ASPH: variants seen among roughly 807,000 people sequenced by gnomAD.
The protein encoded by ASPH is aspartyl/asparaginyl beta-hydroxylase.
Under a neutral mutation model 118.4 loss-of-function variants are expected in ASPH, and 100 were observed. That is an observed-to-expected ratio of 0.84 (90% CI 0.72 to 1.00). ASPH has a LOEUF of 1.00. ASPH is among the 50% of genes least tolerant of loss of function. The probability of loss-of-function intolerance (pLI) is 0.00; values close to 1 mark genes in which losing one functional copy is unlikely to be tolerated. For synonymous variants in ASPH, 315 were observed against 325.6 expected (o/e 0.97, Z 0.35); for missense variants, 920 against 919.5 (o/e 1.00, Z -0.01).
intron 21 of ASPH, among the ~76,000 whole-genome samples, chr8:61,535,284 A>T (rs1195293011): frequency 1.3e-5 from 2 of 152,262 alleles, no homozygotes; most frequent in Admixed American, 6.5e-5. Context: ...ATGGAAGGGG[A>T]TCAAGAATAT....
Position 61,603,488 on chromosome 8 carries a change from T to C in ASPH, c.976+15490A>G, listed in dbSNP as rs116700370. Among the ~76,000 whole-genome samples the C allele has an allele frequency of 2.6e-3, 398 of 152,256 alleles. 3 individuals are homozygous for C. The highest frequency in any genetic ancestry group is 9.0e-3 in the African/African-American group (372 of 41,544). On this transcript the variant is annotated intron_variant, in intron 14 of 24. Coordinates refer to ENST00000379454, the MANE Select transcript of ASPH (RefSeq NM_004318.4). ...AAAGGGCCAAAATCATTTTAGGACATCCATAACTACTGCTACATAGAAAAA... is the reference window on the plus strand; with the variant it reads ...AAAGGGCCAAAATCATTTTAGGACACCCATAACTACTGCTACATAGAAAAA...
At chr8:61,667,528 A>T (rs1459004937) in intron 3 of ASPH, among the ~76,000 whole-genome samples, 1 of 152,090 alleles carries the variant, frequency 6.6e-6, no homozygotes, top group Non-Finnish European at 1.5e-5. Flanking sequence ...CACCAAGTCC[A>T]GCCAATTTTT....
intron 14 of ASPH, among the ~76,000 whole-genome samples, chr8:61,615,436 A>G (rs1292025983): frequency 1.3e-5 from 2 of 152,158 alleles, no homozygotes. Context: ...TTTTAAAACT[A>G]CATATCCAGC....
At chr8:61,640,950 GTT>G (rs1804832579) in intron 10 of ASPH, among the ~76,000 whole-genome samples, 1 of 152,266 alleles carries the variant, frequency 6.6e-6, no homozygotes, top group Admixed American at 6.5e-5. Flanking sequence ...TTGAAATGTG[GTT>G]TTGTTTTCAC....
chr8:61,562,872 T>C lies in ASPH; in HGVS notation c.1309A>G (p.Arg437Gly), dbSNP rs148640329. 7.5e-6 allele frequency: 12 copies of C among 1,596,118 alleles called. No individual in the cohort carries two copies. The highest frequency in any genetic ancestry group is 9.4e-6 in the Non-Finnish European group (11 of 1,174,084). Reference protein sequence around the residue: ...SDRQQFLGHMRGSLLTLQRLV... With the variant: ...SDRQQFLGHMGGSLLTLQRLV... ...CTCTGCAGGGTAAGCAGGGAACCTC[T>C]CATATGACCTGAGTAGGTGGGAATT... is the stretch of plus-strand genomic sequence containing the variant. Residue 437 changes from arginine to glycine, a missense_variant, in exon 18 of 25, where the codon AGA (arginine) becomes GGA (glycine). Arg to Gly is a moderately radical substitution (Grantham distance 125). Coordinates refer to ENST00000379454, the MANE Select transcript of ASPH (RefSeq NM_004318.4).
intron 1 of ASPH, among the ~76,000 whole-genome samples, chr8:61,695,843 T>A (rs1258129843): frequency 1.3e-5 from 2 of 152,224 alleles, no homozygotes; most frequent in East Asian, 1.9e-4. Flanking sequence ...TAATCAAACT[T>A]CTTCTGCTAA....
intron 3 of ASPH, among the ~76,000 whole-genome samples, chr8:61,654,307 T>C (rs1812547632): frequency 6.6e-6 from 1 of 152,230 alleles, no homozygotes; most frequent in South Asian, 2.1e-4. Context: ...AAATCTATTA[T>C]ATTAACTTAG....
chr8:61,552,951 A>T, intron 20 of ASPH, 80 bp downstream of exon 20: 2 of 1,224,364 alleles, frequency 1.6e-6, no homozygotes, highest in Admixed American at 2.0e-5. Flanking sequence ...ATATTTTTTG[A>T]ATTCTAACTT....
intron 21 of ASPH, among the ~76,000 whole-genome samples, chr8:61,534,042 G>GGATC (rs1213640783): frequency 6.6e-6 from 1 of 152,110 alleles, no homozygotes; most frequent in Non-Finnish European, 1.5e-5. Context: ...CTGCCTCCCG[G>GGATC]GATCAAGTAA....
At chr8:61,595,567 A>G (rs766981042) in intron 14 of ASPH, among the ~76,000 whole-genome samples, 3 of 152,248 alleles carry the variant, frequency 2.0e-5, no homozygotes, top group Non-Finnish European at 4.4e-5. Context: ...AAATATTTCC[A>G]TATTATCTAT....
chr8:61,513,334 A>G (rs913827274), intron 24 of ASPH, among the ~76,000 whole-genome samples: 2 of 152,166 alleles, frequency 1.3e-5, no homozygotes, highest in Non-Finnish European at 2.9e-5. Context: ...CTACTATCAG[A>G]TTTCTAGCTC....
intron 17 of ASPH, among the ~76,000 whole-genome samples, chr8:61,564,459 C>G (rs1268541067): frequency 6.6e-6 from 1 of 152,018 alleles, no homozygotes; most frequent in African/African-American, 2.4e-5. Flanking sequence ...CCACTATGCC[C>G]GGCTAATTTT....
intron 15 of ASPH, chr8:61,579,465 A>T: frequency 6.2e-7 from 1 of 1,606,474 alleles, no homozygotes. Flanking sequence ...TACGAAGACC[A>T]CCAGCGGCTA....
At chr8:61,706,828 G>A (rs189914032) in intron 1 of ASPH, among the ~76,000 whole-genome samples, 78 of 152,270 alleles carry the variant, frequency 5.1e-4, no homozygotes, top group Non-Finnish European at 7.9e-4. Context: ...AATAGAGCCC[G>A]ACGTATTCAT....
chr8:61,692,387 A>T (rs557257941), intron 1 of ASPH, among the ~76,000 whole-genome samples: 1 of 152,360 alleles, frequency 6.6e-6, no homozygotes, highest in African/African-American at 2.4e-5. Flanking sequence ...TCATGTTTTT[A>T]AAACTTTAGC....
At chr8:61,516,522 A>G (rs185206522) in intron 24 of ASPH, among the ~76,000 whole-genome samples, 1 of 152,182 alleles carries the variant, frequency 6.6e-6, no homozygotes, top group African/African-American at 2.4e-5. Context: ...TCAGACCTCT[A>G]CTAAGAACAA....
At chr8:61,592,139 T>A (rs1841317773) in intron 14 of ASPH, among the ~76,000 whole-genome samples, 1 of 152,190 alleles carries the variant, frequency 6.6e-6, no homozygotes, top group Non-Finnish European at 1.5e-5. Flanking sequence ...GAGCCTTTGT[T>A]TTTTCATCCA....
At chr8:61,663,942 G>T in intron 3 of ASPH, 1 of 885,606 alleles carries the variant, frequency 1.1e-6, no homozygotes, top group Non-Finnish European at 1.4e-6. Flanking sequence ...TCTTTAATTA[G>T]ATCAAAAATC....
chr8:61,537,933 T>C (rs1820265548), intron 21 of ASPH, among the ~76,000 whole-genome samples: 1 of 152,134 alleles, frequency 6.6e-6, no homozygotes, highest in Non-Finnish European at 1.5e-5. Flanking sequence ...AAACACTGTG[T>C]TCCTTTGCTC....
Sources: gnomAD v4.1 joint callset for allele counts (sites outside exome capture counted in the v4.1 genomes callset) on GRCh38, gnomAD v4.1.1 for gene constraint, MANE v1.5 for transcripts, NCBI Gene and HGNC (gene_info 2026-07-23, HGNC 2026-07-21) for gene names.